Variants in XPO5 observed in about 807,000 individuals in gnomAD.
The protein encoded by XPO5 is exportin 5.
Under a neutral mutation model 160.6 loss-of-function variants are expected in XPO5, and 46 were observed. The ratio of observed to expected loss-of-function variants is 0.29; its 90% CI spans 0.23 to 0.37. The LOEUF (loss-of-function observed/expected upper bound fraction) is 0.37, where lower values mean the gene tolerates loss of function less well. Among genes scored for constraint, XPO5 ranks in the 10% least tolerant of loss-of-function variants. XPO5 has a pLI of 1.00. For missense variants in XPO5, 1,090 were observed against 1,463.9 expected (o/e 0.74, Z 4.17); for synonymous variants, 537 against 519.3 (o/e 1.03, Z -0.46).
In XPO5 at chr6:43,570,030, T is replaced by A. The variant is rs9688480; in HGVS notation, c.621+472A>T. On this transcript the variant is annotated intron_variant, in intron 5 of 31. Coordinates refer to ENST00000265351, the MANE Select transcript of XPO5 (RefSeq NM_020750.3). ...TTTTTTTTTTTTTTTTTTTTTTTTT[T>A]AAAAAAGGCCAGGTGCCGTGGCTCA... 5.9e-3 allele frequency among the ~76,000 whole-genome samples: 766 copies of A among 129,172 alleles called. 2 individuals carry two copies. The highest frequency in any genetic ancestry group is 0.011 in the African/African-American group (365 of 33,980). 84.7% of individuals were successfully genotyped at this position (129,172 alleles called of 152,430 possible).
intron 8 of XPO5, 151 bp downstream of exon 8, chr6:43,565,509 G>A: frequency 8.6e-6 from 5 of 584,142 alleles, no homozygotes; most frequent in East Asian, 3.7e-5. Flanking sequence ...AGGTTGTGGT[G>A]AGCCAAGATC....
chr6:43,565,375 C>T (rs144960855), intron 8 of XPO5, among the ~76,000 whole-genome samples: 32 of 151,618 alleles, frequency 2.1e-4, no homozygotes, highest in African/African-American at 6.5e-4. Flanking sequence ...GAGACCAGAG[C>T]GGTCAGCACG....
intron 23 of XPO5, chr6:43,529,509 A>C (rs1793822837): frequency 8.5e-6 from 2 of 235,278 alleles, no homozygotes; most frequent in Admixed American, 1.1e-4. Context: ...AGCCGAGATC[A>C]CGCCACTGCA....
chr6:43,529,881 C>G (rs909645842), intron 23 of XPO5, among the ~76,000 whole-genome samples: 1 of 145,146 alleles, frequency 6.9e-6, no homozygotes, highest in Admixed American at 7.0e-5. Flanking sequence ...CACTGCATTC[C>G]TGCCTGGGTA....
rs1162223964 is a variant in XPO5, at chr6:43,547,456, A to G, written c.2160+152T>C. On this transcript the variant is annotated intron_variant, in intron 19 of 31. Coordinates refer to ENST00000265351, the MANE Select transcript of XPO5 (RefSeq NM_020750.3). Reference sequence around the variant, plus strand: ...GGAACTAACTCAAGAATTCAAGACTAAAGAAGAAAAGAAAGGAGAAGCTTA... The same window carrying G: ...GGAACTAACTCAAGAATTCAAGACTGAAGAAGAAAAGAAAGGAGAAGCTTA... 5.5e-6 allele frequency: 4 copies of G among 729,766 alleles called. No homozygotes were observed. The South Asian group carries it at 5.9e-5, about 11-fold the overall frequency. The allele number at this position is 729,766 out of a possible 1,614,324, so 45.2% of individuals were successfully genotyped here. A position where few individuals can be genotyped will look rare whatever the true frequency, so the allele number is the denominator to read the frequency against.
chr6:43,547,517 GAAA>G (rs1266551154), intron 19 of XPO5, 88 bp downstream of exon 19: 2 of 1,247,242 alleles, frequency 1.6e-6, no homozygotes, highest in Non-Finnish European at 1.2e-6. Flanking sequence ...CACCAGTATA[GAAA>G]AAACAAATCT....
At chr6:43,551,925 C>T (rs144584930) in intron 14 of XPO5, among the ~76,000 whole-genome samples, 2,063 of 152,260 alleles carry the variant, frequency 0.014, 30 homozygotes, top group Non-Finnish European at 0.02. Context: ...TCTTGGCCTC[C>T]CAAAGTGTTG....
At chr6:43,570,330 A>AAG (rs1554136899) in intron 5 of XPO5, among the ~76,000 whole-genome samples, 172 bp downstream of exon 5, 8 of 149,924 alleles carry the variant, frequency 5.3e-5, no homozygotes, top group African/African-American at 2.0e-4. Flanking sequence ...AAAAAAAAAA[A>AAG]AAAGAAAGAA....
intron 12 of XPO5, chr6:43,556,182 T>A: frequency 2.0e-6 from 1 of 505,800 alleles, no homozygotes; most frequent in Non-Finnish European, 3.3e-6. Flanking sequence ...ACCAGCTAGA[T>A]CCTGTAAGTG....
chr6:43,569,309 CA>C (rs879339951), intron 5 of XPO5, among the ~76,000 whole-genome samples: 3 of 145,492 alleles, frequency 2.1e-5, no homozygotes, highest in South Asian at 2.2e-4. Context: ...AAAAAAACAA[CA>C]AAAAAAAATA....
At chr6:43,556,741 G>C (rs763249546) in intron 12 of XPO5, among the ~76,000 whole-genome samples, 1 of 152,076 alleles carries the variant, frequency 6.6e-6, no homozygotes, top group African/African-American at 2.4e-5. Flanking sequence ...AGCATTATTT[G>C]TAATAGCCAA....
chr6:43,538,789 C>G, intron 20 of XPO5: 1 of 760,232 alleles, frequency 1.3e-6, no homozygotes. Context: ...TTTTCCCACG[C>G]TTAATTCACT....
chr6:43,557,658 A>G (rs1215224297), intron 12 of XPO5, among the ~76,000 whole-genome samples: 1 of 151,978 alleles, frequency 6.6e-6, no homozygotes. Flanking sequence ...TGGGGTGATG[A>G]AAATATAATC....
At position 43,553,447 on chromosome 6, in the gene XPO5, A is replaced by G. The variant is rs1795349614; in HGVS notation, c.1498T>C (p.Phe500Leu). 5 of 1,593,484 alleles carry G rather than the reference A, an allele frequency of 3.1e-6. No individual in the cohort carries two copies. Among genetic ancestry groups the G allele is most frequent in the Non-Finnish European group, 4.3e-6 (5 of 1,169,620 alleles). Residue 500 changes from phenylalanine to leucine, a missense_variant, in exon 14 of 32, where the codon TTC (phenylalanine) becomes CTC (leucine). Physicochemically the swap from Phe to Leu is conservative, Grantham distance 22. This residue lies in a region of XPO5 where 810 missense variants were observed against 1,139.0 expected (regional missense o/e 0.71). Transcript: ENST00000265351. ...AGAGTCATGGCTTCCCACTGCACGA[A>G]TGAAGGTGAGAAGACGGAACAGAGG... Reference protein sequence around the residue: ...GSLCSVFSPSFVQWEAMTLFL... With the variant: ...GSLCSVFSPSLVQWEAMTLFL...
intron 15 of XPO5, among the ~76,000 whole-genome samples, chr6:43,550,631 A>C (rs560205247): frequency 7.7e-4 from 118 of 152,298 alleles, no homozygotes; most frequent in African/African-American, 2.6e-3. Flanking sequence ...CTTTAATTTT[A>C]TCTCATTACT....
intron 4 of XPO5, 83 bp downstream of exon 4, chr6:43,570,774 A>C: frequency 6.5e-7 from 1 of 1,537,648 alleles, no homozygotes; most frequent in Non-Finnish European, 8.7e-7. Flanking sequence ...CAAAAAAAAA[A>C]ACCCACAAAC....
At position 43,555,816 on chromosome 6, in the gene XPO5, C is replaced by G; in HGVS notation, c.1441+20G>C. ...ACTGTCCTAACATTTCACTAACATT[C>G]AGTAATGAAAAAAACTTACAATTCA... On this transcript the variant is annotated intron_variant, in intron 13 of 31. Transcript: ENST00000265351. 2 of 1,613,454 alleles carry G rather than the reference C, an allele frequency of 1.2e-6. No homozygotes were observed. Among genetic ancestry groups the G allele is most frequent in the South Asian group, 2.2e-5 (2 of 91,048 alleles).
rs111780112 is a variant in XPO5 at position 43,569,733 on chromosome 6, CA to C, written c.621+768del. The stretch of plus-strand genomic sequence containing the variant: ...GGGTGACAGAGTGAGACTCCCTCTC[CA>C]AAAAAAAAAAAAAAATTAGTATTTT... On this transcript the variant is annotated intron_variant, in intron 5 of 31. Transcript: ENST00000265351. 3.5e-3 allele frequency among the ~76,000 whole-genome samples: 367 copies of C among 104,408 alleles called. 1 individual carries two copies. Among genetic ancestry groups the C allele is most frequent in the Middle Eastern group, 0.015 (3 of 194 alleles). The allele number at this position is 104,408 out of a possible 152,430, so 68.5% of individuals were successfully genotyped here.
chr6:43,543,966 C>T (rs547628352), intron 20 of XPO5, among the ~76,000 whole-genome samples: 44 of 152,106 alleles, frequency 2.9e-4, no homozygotes, highest in Non-Finnish European at 5.9e-4. Context: ...CATGAGCTAC[C>T]GCGCCCAGCC....
Sources: allele counts gnomAD v4.1 joint callset (sites outside exome capture counted in the v4.1 genomes callset), GRCh38; gene constraint gnomAD v4.1.1; regional missense constraint gnomAD v4.1.1; transcripts MANE v1.5; gene names NCBI Gene and HGNC (gene_info 2026-07-23, HGNC 2026-07-21).